Variants in ITPR2 observed in about 807,000 individuals in gnomAD.
The protein encoded by ITPR2 is inositol 1,4,5-trisphosphate-gated calcium channel ITPR2.
Under a neutral mutation model 317.1 loss-of-function variants are expected in ITPR2, and 207 were observed. The observed-to-expected ratio is 0.65, with a 90% CI of 0.58 to 0.73. ITPR2 has a LOEUF of 0.73. Among genes scored for constraint, ITPR2 ranks in the 30% least tolerant of loss-of-function variants. The pLI is 0.00. For missense variants in ITPR2, 2,613 were observed against 3,284.0 expected (o/e 0.80, Z 4.99); for synonymous variants, 1,156 against 1,149.1 (o/e 1.01, Z -0.12).
At chr12:26,661,976 T>C (rs973100780) in intron 15 of ITPR2, among the ~76,000 whole-genome samples, 2 of 152,234 alleles carry the variant, frequency 1.3e-5, no homozygotes, top group African/African-American at 4.8e-5. Context: ...AAAATAATTC[T>C]AGTGACAGCA....
Position 26,599,343 on chromosome 12 carries a change from G to T in ITPR2, c.3804C>A (p.Leu1268=). The T allele has an allele frequency of 6.2e-7, 1 of 1,613,770 alleles. No homozygotes were observed. The highest frequency in any genetic ancestry group is 8.5e-7 in the Non-Finnish European group (1 of 1,179,706). The change falls in exon 30 of 57, where the codon CTC becomes CTA. Residue 1268 remains leucine, a splice_region_variant and synonymous_variant. Transcript: ENST00000381340. ...KHLNLFLTPG[L]LEAETMRHIF... The stretch of plus-strand genomic sequence containing the variant: ...TGTGCCGCATGGTTTCTGCTTCAAG[G>T]AGCTAAACACAGAGGAACATGCCCT...
chr12:26,723,890 G>A (rs1028540029), intron 4 of ITPR2, among the ~76,000 whole-genome samples: 3 of 152,082 alleles, frequency 2.0e-5, no homozygotes, highest in African/African-American at 4.8e-5. Flanking sequence ...TCTGTGCTGC[G>A]GATCTCCTAG....
chr12:26,590,506 A>ACATACACT (rs1481310642), intron 32 of ITPR2, among the ~76,000 whole-genome samples: 3 of 152,194 alleles, frequency 2.0e-5, no homozygotes, highest in African/African-American at 7.2e-5. Flanking sequence ...GGTGCCAAAA[A>ACATACACT]CATACACTGG....
At chr12:26,520,294 G>C (rs1943629654) in intron 37 of ITPR2, among the ~76,000 whole-genome samples, 1 of 152,114 alleles carries the variant, frequency 6.6e-6, no homozygotes, top group South Asian at 2.1e-4. Context: ...AAGTATGAGA[G>C]GGAGATTGCA....
At chr12:26,358,501 CTCTT>C (rs1565486948) in intron 55 of ITPR2, among the ~76,000 whole-genome samples, 3 of 151,992 alleles carry the variant, frequency 2.0e-5, no homozygotes, top group African/African-American at 7.3e-5. Context: ...CATACATTCT[CTCTT>C]TATTTCTTAC....
chr12:26,514,877 T>C (rs1460079092), intron 37 of ITPR2, among the ~76,000 whole-genome samples: 1 of 152,192 alleles, frequency 6.6e-6, no homozygotes, highest in African/African-American at 2.4e-5. Flanking sequence ...TGACTAATTA[T>C]CCAGGCAAAA....
In ITPR2 at chr12:26,790,496, AACT is replaced by A. The variant is rs548252981; in HGVS notation, c.93-272_93-270del. 2.5e-3 allele frequency among the ~76,000 whole-genome samples: 386 copies of A among 152,264 alleles called. 3 individuals are homozygous for A. The highest frequency in any genetic ancestry group is 0.014 in the Middle Eastern group (4 of 294). ...CATGGAACACTGCGGAGCTGTTTAA[AACT>A]ACATTAAACAAAATGCACTGGCCTG... On this transcript the variant is annotated intron_variant, in intron 1 of 56. Coordinates refer to ENST00000381340, the MANE Select transcript of ITPR2 (RefSeq NM_002223.4).
At chr12:26,515,747 A>T (rs1407295337) in intron 37 of ITPR2, among the ~76,000 whole-genome samples, 2 of 152,000 alleles carry the variant, frequency 1.3e-5, no homozygotes, top group Non-Finnish European at 2.9e-5. Context: ...GCCCACCAAG[A>T]AACACCAAAG....
At chr12:26,384,067 A>G (rs559981166) in intron 55 of ITPR2, among the ~76,000 whole-genome samples, 12 of 152,260 alleles carry the variant, frequency 7.9e-5, no homozygotes, top group Non-Finnish European at 1.5e-4. Context: ...GAACAAAAAT[A>G]AGAGTGGCAG....
At chr12:26,619,524 G>A (rs1946448365) in intron 26 of ITPR2, among the ~76,000 whole-genome samples, 1 of 152,120 alleles carries the variant, frequency 6.6e-6, no homozygotes, top group African/African-American at 2.4e-5. Context: ...AAAGAGACAT[G>A]AAATAAGGTG....
intron 54 of ITPR2, among the ~76,000 whole-genome samples, chr12:26,391,068 G>A (rs910500084): frequency 6.6e-6 from 1 of 152,144 alleles, no homozygotes; most frequent in African/African-American, 2.4e-5. Flanking sequence ...TGCAAAGCTT[G>A]AAAAATCCAG....
intron 26 of ITPR2, 37 bp from the exon 27 acceptor site, chr12:26,602,743 G>T: frequency 9.2e-7 from 1 of 1,089,938 alleles, no homozygotes; most frequent in Non-Finnish European, 1.4e-6. Context: ...TATGCCATTT[G>T]TAGCTTTGTG....
chr12:26,819,380 G>A (rs1383609370), intron 1 of ITPR2, among the ~76,000 whole-genome samples: 12 of 152,132 alleles, frequency 7.9e-5, no homozygotes, highest in Admixed American at 4.6e-4. Context: ...ATAAATTAAC[G>A]AGGAACAAAA....
At chr12:26,575,103 G>GA (rs1945245972) in intron 34 of ITPR2, among the ~76,000 whole-genome samples, 1 of 149,854 alleles carries the variant, frequency 6.7e-6, no homozygotes, top group African/African-American at 2.5e-5. Flanking sequence ...AATTTGAGCA[G>GA]AAAAAAAGTC....
Position 26,686,548 on chromosome 12 carries a change from T to C in ITPR2, c.1081A>G (p.Asn361Asp). 3 of 1,612,454 alleles carry C rather than the reference T, an allele frequency of 1.9e-6. No homozygotes were observed. The highest frequency in any genetic ancestry group is 1.7e-6 in the Non-Finnish European group (2 of 1,179,080). ...MYTLVSVPHG[N>D]DIASLFELDA... Reference sequence around the variant, plus strand: ...AGTTCAAAAAGGGATGCAATGTCATTGCCATGCGGGACTGAAACCAAAGTA... The same window carrying C: ...AGTTCAAAAAGGGATGCAATGTCATCGCCATGCGGGACTGAAACCAAAGTA... The change falls in exon 11 of 57, where the codon AAT (asparagine) becomes GAT (aspartate). Residue 361 changes from asparagine to aspartate, a missense_variant. By Grantham distance (23) the Asn-to-Asp change is conservative. This residue lies in a region of ITPR2 where 515 missense variants were observed against 789.4 expected (regional missense o/e 0.65). Transcript: ENST00000381340.
intron 2 of ITPR2, among the ~76,000 whole-genome samples, chr12:26,776,737 G>A (rs1033916564): frequency 6.6e-6 from 1 of 152,182 alleles, no homozygotes; most frequent in African/African-American, 2.4e-5. Flanking sequence ...ACCTTTGTCT[G>A]AGTAGATAAA....
At chr12:26,364,683 C>G (rs1938950460) in intron 55 of ITPR2, among the ~76,000 whole-genome samples, 3 of 152,198 alleles carry the variant, frequency 2.0e-5, no homozygotes, top group Admixed American at 6.5e-5. Context: ...AATCTGGCGT[C>G]TCAGGGAAAA....
At position 26,602,714 on chromosome 12, in the gene ITPR2, G is replaced by A. The variant is rs1946030029; in HGVS notation, c.3463-8C>T. On this transcript the variant is annotated splice_polypyrimidine_tract_variant and splice_region_variant and intron_variant, in intron 26 of 56. Transcript: ENST00000381340. ...ACTTAAAATGTTTGATTCCTAAAAG[G>A]AACACAAATATGTACTTTTATGCCA... 3.9e-6 allele frequency: 6 copies of A among 1,547,332 alleles called. No homozygotes were observed. Among genetic ancestry groups the A allele is most frequent in the South Asian group, 1.2e-5 (1 of 84,184 alleles).
intron 55 of ITPR2, among the ~76,000 whole-genome samples, chr12:26,361,210 C>CAA (rs11450670): frequency 4.3e-3 from 614 of 143,764 alleles, no homozygotes; most frequent in Middle Eastern, 0.04. Flanking sequence ...AGCAAAACTC[C>CAA]AAAAAAAAAA....
Sources: gnomAD v4.1 joint callset for allele counts (sites outside exome capture counted in the v4.1 genomes callset) on GRCh38, gnomAD v4.1.1 for gene constraint, gnomAD v4.1.1 regional missense constraint, MANE v1.5 for transcripts, NCBI Gene and HGNC (gene_info 2026-07-23, HGNC 2026-07-21) for gene names.